The following TCP11L2 variants were observed in gnomAD, a reference collection of about 807,000 sequenced individuals.
The protein encoded by TCP11L2 is t-complex 11 like 2, also known as T-complex protein 11-like protein 2.
TCP11L2 carries 39 observed loss-of-function variants against 50.7 expected under a neutral mutation model. The ratio of observed to expected loss-of-function variants is 0.77; its 90% CI spans 0.60 to 1.01. The LOEUF is 1.01. Ranked by LOEUF, TCP11L2 falls within the 50% of genes least tolerant of loss-of-function variation. TCP11L2 has a pLI of 0.00. For missense variants in TCP11L2, 612 were observed against 614.7 expected (o/e 1.00, Z 0.05); for synonymous variants, 192 against 219.3 (o/e 0.88, Z 1.10).
At position 106,335,795 on chromosome 12, in the gene TCP11L2, AGT is replaced by A; in HGVS notation, c.931_932del (p.Trp311GlyfsTer51). 6.2e-7 allele frequency: 1 copy of A among 1,614,110 alleles called. No individual in the cohort carries two copies. Among genetic ancestry groups the A allele is most frequent in the Admixed American group, 1.7e-5 (1 of 60,006 alleles). On this transcript the variant is annotated frameshift_variant, in exon 7 of 10. Transcript: ENST00000299045. LOFTEE classifies it high-confidence loss of function. The stretch of plus-strand genomic sequence containing the variant: ...AATAATAGTTACTTGAAACTGTTAC[AGT>A]GGGATTATCAGAAAAAAGAATTACC...
At chr12:106,316,969 A>G (rs2136671469) in intron 3 of TCP11L2, among the ~76,000 whole-genome samples, 1 of 152,312 alleles carries the variant, frequency 6.6e-6, no homozygotes, top group South Asian at 2.1e-4. Flanking sequence ...AAGGCATTTT[A>G]GGCTCAGACA....
intron 3 of TCP11L2, among the ~76,000 whole-genome samples, chr12:106,317,331 C>T (rs1045356700): frequency 5.3e-5 from 8 of 152,076 alleles, no homozygotes; most frequent in African/African-American, 1.9e-4. Context: ...GCCTGCCCGA[C>T]GTGGTGAAAC....
chr12:106,342,622 C>T (rs937536367), intron 9 of TCP11L2, among the ~76,000 whole-genome samples: 1 of 152,226 alleles, frequency 6.6e-6, no homozygotes, highest in Non-Finnish European at 1.5e-5. Context: ...CTGCTATATT[C>T]TTGTGCAATG....
At chr12:106,328,030 C>T (rs1337401810) in intron 6 of TCP11L2, among the ~76,000 whole-genome samples, 1 of 152,192 alleles carries the variant, frequency 6.6e-6, no homozygotes, top group African/African-American at 2.4e-5. Context: ...TTTATTTAGA[C>T]AATACGTCAT....
chr12:106,337,649 C>T (rs745729854), intron 8 of TCP11L2, among the ~76,000 whole-genome samples: 8 of 152,184 alleles, frequency 5.3e-5, no homozygotes, highest in Non-Finnish European at 1.0e-4. Flanking sequence ...GTTTAAATCC[C>T]AGCTCTGCTA....
intron 9 of TCP11L2, among the ~76,000 whole-genome samples, chr12:106,345,171 T>TC (rs1423879665): frequency 6.6e-6 from 1 of 152,014 alleles, no homozygotes; most frequent in East Asian, 1.9e-4. Flanking sequence ...ATTTTTAAAT[T>TC]TTTTTTGTAG....
At chr12:106,301,961 G>C (rs2034429349), upstream of TCP11L2, 1 of 152,216 alleles carries the variant, frequency 6.6e-6, no homozygotes. Flanking sequence ...GCCTGGATGG[G>C]TGTGACTCCA....
chr12:106,324,911 A>G (rs983082377), intron 6 of TCP11L2: 7 of 152,182 alleles, frequency 4.6e-5, no homozygotes, highest in African/African-American at 1.7e-4. Context: ...TTGAGATTTC[A>G]TTTGACATCA....
At chr12:106,310,740 G>A (rs956529429) in intron 1 of TCP11L2, among the ~76,000 whole-genome samples, 3 of 152,256 alleles carry the variant, frequency 2.0e-5, no homozygotes, top group African/African-American at 7.2e-5. Flanking sequence ...CAGGAGGAGA[G>A]AGCATGTGTC....
intron 2 of TCP11L2, 144 bp downstream of exon 2, chr12:106,311,376 C>A: frequency 2.3e-6 from 2 of 880,588 alleles, no homozygotes; most frequent in Non-Finnish European, 3.3e-6. Flanking sequence ...GGCACTGCAG[C>A]TTTCCGGGAC....
At chr12:106,315,227 C>T (rs762379889) in intron 3 of TCP11L2, among the ~76,000 whole-genome samples, 3 of 151,918 alleles carry the variant, frequency 2.0e-5, no homozygotes, top group South Asian at 2.1e-4. Flanking sequence ...CAGAGTACTC[C>T]GTCTCAAAAA....
At chr12:106,304,253 G>A (rs2034537655) in intron 1 of TCP11L2, 1 of 152,330 alleles carries the variant, frequency 6.6e-6, no homozygotes. Flanking sequence ...AAACAGACCA[G>A]CAAGTGTGGG....
chr12:106,314,282 C>T, intron 2 of TCP11L2, 76 bp from the exon 3 acceptor site: 1 of 1,480,702 alleles, frequency 6.8e-7, no homozygotes, highest in Non-Finnish European at 9.2e-7. Context: ...TAAATTAAAC[C>T]TTATCTGCAT....
At chr12:106,329,659 T>C in intron 6 of TCP11L2, 1 of 1,227,020 alleles carries the variant, frequency 8.1e-7, no homozygotes, top group Non-Finnish European at 1.0e-6. Context: ...TGAGAACCAC[T>C]ATGCCACACT....
Position 106,321,477 on chromosome 12 carries a change from T to A in TCP11L2, c.415-9T>A. 2 of 1,605,370 alleles carry A rather than the reference T, an allele frequency of 1.2e-6. No homozygotes were observed. The highest frequency in any genetic ancestry group is 2.2e-5 in the South Asian group (2 of 90,048). On this transcript the variant is annotated splice_polypyrimidine_tract_variant and intron_variant, in intron 4 of 9. Transcript: ENST00000299045. ...ATGATGCTGTTAATTTTTATTTCTT[T>A]CCCTGTAGATTCTTCTCTCTTTTCT... is the stretch of plus-strand genomic sequence containing the variant.
At chr12:106,310,691 C>A (rs2034818311) in intron 1 of TCP11L2, among the ~76,000 whole-genome samples, 1 of 152,162 alleles carries the variant, frequency 6.6e-6, no homozygotes, top group African/African-American at 2.4e-5. Context: ...GAGATCTGAC[C>A]CAAGTCCCAC....
chr12:106,330,420 C>A, intron 6 of TCP11L2: 1 of 586,600 alleles, frequency 1.7e-6, no homozygotes, highest in Non-Finnish European at 2.1e-6. Context: ...CTTGTATGTC[C>A]CATCCTGGCA....
chr12:106,313,025 T>G (rs949494838), intron 2 of TCP11L2, among the ~76,000 whole-genome samples: 19 of 152,392 alleles, frequency 1.2e-4, no homozygotes, highest in African/African-American at 4.1e-4. Context: ...GTATAATCTT[T>G]AGAAATAACT....
At chr12:106,317,261 A>G (rs929657826) in intron 3 of TCP11L2, among the ~76,000 whole-genome samples, 4 of 152,238 alleles carry the variant, frequency 2.6e-5, no homozygotes, top group African/African-American at 9.6e-5. Context: ...CACACCTGTA[A>G]TCCCAGCACT....
Sources: allele counts gnomAD v4.1 joint callset (sites outside exome capture counted in the v4.1 genomes callset), GRCh38; gene constraint gnomAD v4.1.1; transcripts MANE v1.5; gene names NCBI Gene and HGNC (gene_info 2026-07-23, HGNC 2026-07-21).